ZNF532: variants seen among roughly 807,000 people sequenced by gnomAD.
ZNF532 encodes zinc finger protein 532.
In ZNF532, 22 loss-of-function variants were observed where a neutral mutation model predicts 89.3. The observed-to-expected ratio is 0.25, with a 90% CI of 0.18 to 0.35. The LOEUF is 0.35. Among genes scored for constraint, ZNF532 ranks in the 10% least tolerant of loss-of-function variants. ZNF532 has a pLI of 1.00. For missense variants in ZNF532, 1,132 were observed against 1,643.4 expected (o/e 0.69, Z 5.38); for synonymous variants, 606 against 649.6 (o/e 0.93, Z 1.02).
intron 7 of ZNF532, among the ~76,000 whole-genome samples, chr18:58,966,676 C>G (rs1040854783): frequency 6.7e-6 from 1 of 149,384 alleles, no homozygotes; most frequent in African/African-American, 2.4e-5. Flanking sequence ...AAATGTGACA[C>G]AAATAAGACT....
chr18:58,979,346 T>TA (rs201696846), intron 8 of ZNF532, 179 bp downstream of exon 8: 1,077 of 344,934 alleles, frequency 3.1e-3, no homozygotes, highest in South Asian at 3.9e-3. Flanking sequence ...AATATGAAAA[T>TA]AAAAAAAAAA....
intron 2 of ZNF532, among the ~76,000 whole-genome samples, chr18:58,876,311 C>A (rs936545515): frequency 3.2e-4 from 48 of 152,244 alleles, no homozygotes; most frequent in African/African-American, 1.1e-3. Context: ...TTCTAAGTAG[C>A]CTCCTGGTGC....
At chr18:58,909,111 G>C (rs538592317) in intron 2 of ZNF532, among the ~76,000 whole-genome samples, 1 of 152,054 alleles carries the variant, frequency 6.6e-6, no homozygotes, top group Non-Finnish European at 1.5e-5. Flanking sequence ...GCACTACCAC[G>C]CCTGGCTAAT....
At chr18:58,970,040 C>T (rs1415888188) in intron 7 of ZNF532, among the ~76,000 whole-genome samples, 2 of 151,970 alleles carry the variant, frequency 1.3e-5, no homozygotes, top group African/African-American at 2.4e-5. Context: ...CATGCCACCA[C>T]TCCCGGCTAA....
rs775410086 is a variant in ZNF532 at position 58,948,091 on chromosome 18, C to T, written c.2730C>T (p.Cys910=). ...GAATAATATATAAGTGTTCCATGTG[C>T]GACACTGTGTTCACCCTGCAAACCT... The part of the protein sequence containing the change: ...EPKIIYKCSM[C]DTVFTLQTLL... Residue 910 remains cysteine, a synonymous_variant, in exon 6 of 10, where the codon TGC becomes TGT. Coordinates refer to ENST00000591808, the MANE Select transcript of ZNF532 (RefSeq NM_001375912.1). The T allele has an allele frequency of 1.4e-5, 23 of 1,613,108 alleles. No homozygotes were observed. The highest frequency in any genetic ancestry group is 4.4e-5 in the South Asian group (4 of 90,872).
At chr18:58,888,809 A>ATAT (rs1491259761) in intron 2 of ZNF532, among the ~76,000 whole-genome samples, 2 of 42,172 alleles carry the variant, frequency 4.7e-5, no homozygotes, top group South Asian at 7.5e-4. Flanking sequence ...TTATATATAT[A>ATAT]AAAAATTATA....
At chr18:58,916,774 T>C in intron 2 of ZNF532, 1 of 978,310 alleles carries the variant, frequency 1.0e-6, no homozygotes, top group Non-Finnish European at 1.2e-6. Context: ...AGATTTGTGG[T>C]GTATATGAGT....
At chr18:58,944,134 G>A (rs1221619645) in intron 5 of ZNF532, among the ~76,000 whole-genome samples, 3 of 152,198 alleles carry the variant, frequency 2.0e-5, no homozygotes, top group African/African-American at 7.2e-5. Flanking sequence ...TTAGGTGTAT[G>A]ACGCGGAGGG....
At chr18:58,902,795 GGTGATCCTTCTA>G (rs2059684813) in intron 2 of ZNF532, among the ~76,000 whole-genome samples, 1 of 152,030 alleles carries the variant, frequency 6.6e-6, no homozygotes, top group Admixed American at 6.6e-5. Flanking sequence ...CCTGGCCCCA[GGTGATCCTTCTA>G]GTGGCCGATA....
At chr18:58,920,823 C>G (rs550021269) in intron 3 of ZNF532, among the ~76,000 whole-genome samples, 190 bp downstream of exon 3, 1 of 148,900 alleles carries the variant, frequency 6.7e-6, no homozygotes, top group African/African-American at 2.5e-5. Context: ...CCTGTGCAGC[C>G]GGGCACATGA....
intron 9 of ZNF532, among the ~76,000 whole-genome samples, chr18:58,983,231 G>A (rs1416839294): frequency 6.6e-6 from 1 of 152,214 alleles, no homozygotes; most frequent in African/African-American, 2.4e-5. Flanking sequence ...GTTGGCTTGG[G>A]GAGGGGATTC....
intron 5 of ZNF532, among the ~76,000 whole-genome samples, chr18:58,941,456 TTCTC>T (rs1296122413): frequency 2.0e-5 from 3 of 148,010 alleles, no homozygotes; most frequent in South Asian, 2.1e-4. Flanking sequence ...GTGGTTTCTT[TTCTC>T]TCTCTCTCTT....
chr18:58,865,130 C>G lies in ZNF532; in HGVS notation c.-383C>G, dbSNP rs1263449832. 6.6e-6 allele frequency: 1 copy of G among 151,594 alleles called. No homozygotes were observed. Among genetic ancestry groups the G allele is most frequent in the Non-Finnish European group, 1.5e-5 (1 of 67,996 alleles). 9.4% of individuals were successfully genotyped at this position (151,594 alleles called of 1,614,324 possible). On this transcript the variant is annotated 5_prime_UTR_variant, in exon 1 of 10. Coordinates refer to ENST00000591808, the MANE Select transcript of ZNF532 (RefSeq NM_001375912.1). The stretch of plus-strand genomic sequence containing the variant: ...GGACAAGGAGCTGAGATTTATGACC[C>G]TTATTAGAGAAAAAAATGTGCCTTG...
chr18:58,916,083 G>C (rs1246594877), intron 2 of ZNF532, among the ~76,000 whole-genome samples: 2 of 152,206 alleles, frequency 1.3e-5, no homozygotes, highest in Non-Finnish European at 2.9e-5. Flanking sequence ...GGGGCAGGGG[G>C]TGGTGTCTTG....
chr18:58,873,509 C>T (rs1226239082), intron 2 of ZNF532, among the ~76,000 whole-genome samples: 4 of 151,630 alleles, frequency 2.6e-5, no homozygotes, highest in Admixed American at 6.6e-5. Flanking sequence ...AGTGCAATGG[C>T]GCAATCTTGG....
chr18:58,888,745 A>ATATCTATAAAT (rs2058540215), intron 2 of ZNF532, among the ~76,000 whole-genome samples: 1 of 47,122 alleles, frequency 2.1e-5, no homozygotes, highest in Non-Finnish European at 3.2e-5. Context: ...TATATATTTT[A>ATATCTATAAAT]TATATATATA....
intron 2 of ZNF532, among the ~76,000 whole-genome samples, chr18:58,870,803 G>C (rs1357605363): frequency 6.6e-6 from 1 of 152,140 alleles, no homozygotes; most frequent in African/African-American, 2.4e-5. Flanking sequence ...TTAGGTGGCT[G>C]TCTGGGGGTT....
At chr18:58,927,091 T>C (rs2061586105) in intron 3 of ZNF532, among the ~76,000 whole-genome samples, 1 of 152,192 alleles carries the variant, frequency 6.6e-6, no homozygotes, top group Non-Finnish European at 1.5e-5. Flanking sequence ...TTGGTGTTAG[T>C]TTTTCTTTGG....
chr18:58,936,432 G>A (rs1244010215), intron 4 of ZNF532, among the ~76,000 whole-genome samples: 1 of 152,182 alleles, frequency 6.6e-6, no homozygotes, highest in African/African-American at 2.4e-5. Flanking sequence ...AATGAAAGTT[G>A]ATATGATTAA....
Sources: gnomAD v4.1 joint callset for allele counts (sites outside exome capture counted in the v4.1 genomes callset) on GRCh38, gnomAD v4.1.1 for gene constraint, MANE v1.5 for transcripts, NCBI Gene and HGNC (gene_info 2026-07-23, HGNC 2026-07-21) for gene names.